ZDHHC21: variants seen among roughly 807,000 people sequenced by gnomAD.
ZDHHC21 encodes zDHHC palmitoyltransferase 21.
Under a neutral mutation model 34.6 loss-of-function variants are expected in ZDHHC21, and 15 were observed. The ratio of observed to expected loss-of-function variants is 0.43; its 90% CI spans 0.29 to 0.67. The LOEUF (loss-of-function observed/expected upper bound fraction) is 0.67, where lower values mean the gene tolerates loss of function less well. Among genes scored for constraint, ZDHHC21 ranks in the 30% least tolerant of loss-of-function variants. ZDHHC21 has a pLI of 0.14. For synonymous variants in ZDHHC21, 142 were observed against 101.8 expected, an observed-to-expected ratio of 1.40 and a Z score of -2.38; for missense variants, 344 against 327.7, an observed-to-expected ratio of 1.05 and a Z score of -0.38.
At chr9:14,602,097 G>C in the ZDHHC21 span, among the ~76,000 whole-genome samples, 1 of 151,886 alleles carries the variant, frequency 6.6e-6, no homozygotes, top group Non-Finnish European at 1.5e-5. Flanking sequence ...GTATATCTAT[G>C]TAACAAACCT....
At chr9:14,635,914 TAAGG>T (rs1828226572) in intron 8 of ZDHHC21, among the ~76,000 whole-genome samples, 1 of 151,728 alleles carries the variant, frequency 6.6e-6, no homozygotes, top group South Asian at 2.1e-4. Flanking sequence ...AACACACAAA[TAAGG>T]AAGAGGAAGA....
chr9:14,600,445 G>C, the ZDHHC21 span, among the ~76,000 whole-genome samples: 2 of 152,110 alleles, frequency 1.3e-5, no homozygotes, highest in Admixed American at 6.5e-5. Context: ...CAACTTACAA[G>C]GAATGTGAAG....
At chr9:14,664,045 C>G (rs933156669) in intron 5 of ZDHHC21, among the ~76,000 whole-genome samples, 4 of 152,156 alleles carry the variant, frequency 2.6e-5, no homozygotes, top group Non-Finnish European at 5.9e-5. Flanking sequence ...TCTACAGCTC[C>G]CAGCGTGAGC....
chr9:14,633,663 C>A (rs1252141933), intron 8 of ZDHHC21, among the ~76,000 whole-genome samples: 1 of 152,146 alleles, frequency 6.6e-6, no homozygotes, highest in East Asian at 1.9e-4. Context: ...TGGCTGCTAC[C>A]ACCAAGGCTG....
At chr9:14,610,771 CAATA>C (rs1823192511), downstream of ZDHHC21, among the ~76,000 whole-genome samples, 1 of 151,982 alleles carries the variant, frequency 6.6e-6, no homozygotes, top group Non-Finnish European at 1.5e-5. Flanking sequence ...GTGTCTGCCA[CAATA>C]AATGTTAAAT....
At chr9:14,674,443 G>T in intron 3 of ZDHHC21, 58 bp from the exon 4 acceptor site, 1 of 1,121,396 alleles carries the variant, frequency 8.9e-7, no homozygotes, top group African/African-American at 1.7e-5. Flanking sequence ...ACTAAAACCT[G>T]TATTTCTGGC....
Position 14,612,565 on chromosome 9 carries a change from C to T in ZDHHC21, c.*6401G>A, listed in dbSNP as rs1324022586. ...ACTAAGCAAAATTAGTTTTAAAAAT[C>T]TTACTCTATGTAAAGTGAGTAACCA... On this transcript the variant is annotated 3_prime_UTR_variant, in exon 10 of 10. Coordinates refer to ENST00000380916, the MANE Select transcript of ZDHHC21 (RefSeq NM_178566.6). The T allele has an allele frequency of 6.6e-6, 1 of 151,874 alleles. No individual in the cohort carries two copies. The highest frequency in any genetic ancestry group is 1.5e-5 in the Non-Finnish European group (1 of 67,876). The allele number at this position is 151,874 out of a possible 1,614,324, so 9.4% of individuals were successfully genotyped here.
At chr9:14,681,128 C>G (rs143663837) in intron 2 of ZDHHC21, among the ~76,000 whole-genome samples, 1 of 152,282 alleles carries the variant, frequency 6.6e-6, no homozygotes, top group Non-Finnish European at 1.5e-5. Context: ...TATAACATTA[C>G]TAGTACGCAC....
At chr9:14,636,509 G>GT (rs1392050703) in intron 8 of ZDHHC21, among the ~76,000 whole-genome samples, 2 of 152,136 alleles carry the variant, frequency 1.3e-5, no homozygotes, top group African/African-American at 4.8e-5. Flanking sequence ...TAGTAAAATA[G>GT]TTAACAAAGA....
intron 6 of ZDHHC21, among the ~76,000 whole-genome samples, chr9:14,661,730 A>T (rs1587256930): frequency 6.6e-6 from 1 of 152,312 alleles, no homozygotes; most frequent in South Asian, 2.1e-4. Context: ...CAAGTACATA[A>T]TGGTAGTAGC....
At position 14,639,941 on chromosome 9, in the gene ZDHHC21, A is replaced by G; in HGVS notation, c.576T>C (p.Val192=). The G allele has an allele frequency of 6.2e-7, 1 of 1,608,468 alleles. No homozygotes were observed. The highest frequency in any genetic ancestry group is 8.5e-7 in the Non-Finnish European group (1 of 1,176,832). ...GAGTGTAAAAGAGTCCAGTTATTCC[A>G]ACTAACATAGTAATGCCCATAAAGG... ...LAAFMGITML[V]GITGLFYTQL... Residue 192 remains valine (V), a synonymous_variant, in exon 8 of 10, where the codon GTT becomes GTC. Transcript: ENST00000380916.
At chr9:14,660,914 T>G (rs1000089138) in intron 6 of ZDHHC21, among the ~76,000 whole-genome samples, 5 of 152,216 alleles carry the variant, frequency 3.3e-5, no homozygotes, top group African/African-American at 1.2e-4. Context: ...TGAGCTTTTC[T>G]GTATGATCAG....
chr9:14,638,568 T>C (rs1828718823), intron 8 of ZDHHC21, among the ~76,000 whole-genome samples: 1 of 151,560 alleles, frequency 6.6e-6, no homozygotes, highest in African/African-American at 2.4e-5. Flanking sequence ...AGCTGTATAG[T>C]AAACAATCAA....
chr9:14,692,750 CCT>C (rs1323794486), intron 1 of ZDHHC21, among the ~76,000 whole-genome samples: 1 of 152,048 alleles, frequency 6.6e-6, no homozygotes, highest in East Asian at 1.9e-4. Context: ...AACTGTTTGT[CCT>C]CTCTGCAGCT....
chr9:14,685,500 T>A (rs1838164854), intron 2 of ZDHHC21, among the ~76,000 whole-genome samples: 1 of 151,534 alleles, frequency 6.6e-6, no homozygotes, highest in African/African-American at 2.4e-5. Flanking sequence ...AAAACCACAA[T>A]GACATACCAT....
intron 7 of ZDHHC21, among the ~76,000 whole-genome samples, chr9:14,648,782 C>A (rs1336538627): frequency 2.6e-5 from 4 of 151,940 alleles, no homozygotes; most frequent in Middle Eastern, 3.2e-3. Context: ...AAATGTTCCT[C>A]ACAATTTATT....
intron 2 of ZDHHC21, among the ~76,000 whole-genome samples, chr9:14,682,085 T>C (rs201495370): frequency 6.6e-6 from 1 of 151,994 alleles, no homozygotes; most frequent in Non-Finnish European, 1.5e-5. Context: ...ACTGCAAAAA[T>C]ATGCCAGACT....
chr9:14,589,525 GT>G, the ZDHHC21 span: 1 of 152,048 alleles, frequency 6.6e-6, no homozygotes, highest in African/African-American at 2.4e-5. Flanking sequence ...ACAAAGGAAG[GT>G]ATCCTGCAGA....
Position 14,616,767 on chromosome 9 carries a change from C to T in ZDHHC21, c.*2199G>A, listed in dbSNP as rs977863286. On this transcript the variant is annotated 3_prime_UTR_variant, in exon 10 of 10. Transcript: ENST00000380916. ...GTATATATACTGATAGATAGCATTT[C>T]TGCATTCAAATAAAATAAGTGTATG... The T allele has an allele frequency of 6.6e-6, 1 of 151,778 alleles. No individual in the cohort carries two copies. The highest frequency in any genetic ancestry group is 1.5e-5 in the Non-Finnish European group (1 of 67,836). 9.4% of individuals were successfully genotyped at this position (151,778 alleles called of 1,614,324 possible).
Sources: gnomAD v4.1 joint callset for allele counts (sites outside exome capture counted in the v4.1 genomes callset) on GRCh38, gnomAD v4.1.1 for gene constraint, MANE v1.5 for transcripts, NCBI Gene and HGNC (gene_info 2026-07-23, HGNC 2026-07-21) for gene names.